TMEM183A: variants seen among roughly 807,000 people sequenced by gnomAD.
The protein encoded by TMEM183A is transmembrane protein 183A.
In TMEM183A, 21 loss-of-function variants were observed where a neutral mutation model predicts 46.7. The ratio of observed to expected loss-of-function variants is 0.45; its 90% CI spans 0.32 to 0.65. The LOEUF (loss-of-function observed/expected upper bound fraction) is 0.65. TMEM183A is among the 30% of genes least tolerant of loss of function. The pLI is 0.04. For missense variants in TMEM183A, 331 were observed against 481.9 expected (o/e 0.69, Z 2.93); for synonymous variants, 165 against 180.2 (o/e 0.92, Z 0.68).
At chr1:203,016,234 G>A (rs943595674) in intron 5 of TMEM183A, 94 bp downstream of exon 5, 4 of 1,570,646 alleles carry the variant, frequency 2.5e-6, no homozygotes, top group Non-Finnish European at 2.6e-6. Context: ...ATGGGGAGGG[G>A]TGTAGGTCCC....
chr1:203,008,084 CT>C (rs1283110694), intron 2 of TMEM183A, among the ~76,000 whole-genome samples: 1 of 152,140 alleles, frequency 6.6e-6, no homozygotes, highest in Non-Finnish European at 1.5e-5. Context: ...TGTTTGCATA[CT>C]TTTTAGTTTC....
At chr1:203,011,704 C>T (rs374236005) in intron 3 of TMEM183A, among the ~76,000 whole-genome samples, 152 of 152,190 alleles carry the variant, frequency 1.0e-3, no homozygotes, top group African/African-American at 3.3e-3. Flanking sequence ...CCACCGCACC[C>T]GGCTATCTTT....
At chr1:203,012,237 A>T (rs1017311240) in intron 3 of TMEM183A, among the ~76,000 whole-genome samples, 15 of 108,704 alleles carry the variant, frequency 1.4e-4, no homozygotes, top group African/African-American at 4.0e-4. Context: ...CCACTCCATC[A>T]CACACACACA....
chr1:203,019,732 C>G (rs974004965), intron 6 of TMEM183A, among the ~76,000 whole-genome samples: 4 of 152,062 alleles, frequency 2.6e-5, no homozygotes, highest in Non-Finnish European at 5.9e-5. Flanking sequence ...ATGAACTCTC[C>G]AGTTGCAAAG....
At chr1:203,022,255 T>C (rs1239768519) in intron 7 of TMEM183A, among the ~76,000 whole-genome samples, 10 of 152,032 alleles carry the variant, frequency 6.6e-5, no homozygotes, top group Non-Finnish European at 1.5e-4. Context: ...GTATTTTTGG[T>C]AGAAATGGGG....
chr1:203,014,709 A>G (rs1656995086), intron 3 of TMEM183A, among the ~76,000 whole-genome samples, 180 bp from the exon 4 acceptor site: 1 of 152,212 alleles, frequency 6.6e-6, no homozygotes, highest in South Asian at 2.1e-4. Context: ...TACTTGGGCA[A>G]CAGGAGGTAA....
intron 6 of TMEM183A, 70 bp downstream of exon 6, chr1:203,018,631 G>A: frequency 6.6e-7 from 1 of 1,524,832 alleles, no homozygotes; most frequent in Non-Finnish European, 9.0e-7. Context: ...ATCTTTCTTA[G>A]TCTGTTTGTG....
chr1:203,012,691 A>G (rs564793621), intron 3 of TMEM183A, among the ~76,000 whole-genome samples: 1 of 152,200 alleles, frequency 6.6e-6, no homozygotes, highest in Non-Finnish European at 1.5e-5. Flanking sequence ...AAAAGTCCTT[A>G]TGGGTCTCAG....
At position 203,022,924 on chromosome 1, in the gene TMEM183A, C is replaced by G; in HGVS notation, c.1015C>G (p.His339Asp). ...VRLVFQDSPV[H>D]GGRKLRSEQG... ...ACTGGTGTTCCAAGATTCCCCTGTC[C>G]ATGGTGGTCGGAAACTGCGCAGTGA... Residue 339 changes from histidine to aspartate, a missense_variant, in exon 8 of 8, where the codon CAT becomes GAT. His to Asp is a moderately conservative substitution (Grantham distance 81). This residue lies in a region of TMEM183A where 233 missense variants were observed against 385.8 expected (regional missense o/e 0.60). Coordinates refer to ENST00000367242, the MANE Select transcript of TMEM183A (RefSeq NM_138391.6). 1 of 1,613,206 alleles carries G rather than the reference C, an allele frequency of 6.2e-7. No individual in the cohort carries two copies. The highest frequency in any genetic ancestry group is 1.1e-5 in the South Asian group (1 of 91,012).
chr1:203,021,040 T>G (rs1258484451), intron 7 of TMEM183A, 92 bp downstream of exon 7: 6 of 1,413,496 alleles, frequency 4.2e-6, no homozygotes, highest in Non-Finnish European at 5.6e-6. Context: ...TTTTTTTTTT[T>G]TTTTTTTAAG....
chr1:203,018,589 A>G (rs769053279), intron 6 of TMEM183A, 28 bp downstream of exon 6: 3 of 1,604,146 alleles, frequency 1.9e-6, no homozygotes, highest in Non-Finnish European at 2.6e-6. Flanking sequence ...TGTTTTTCAG[A>G]TAATACCTTG....
Position 203,020,889 on chromosome 1 carries a change from C to G in TMEM183A, c.886C>G (p.Gln296Glu). Reference sequence around the variant, plus strand: ...TCCAGACCAGGACTGCTGCCTACTGCAGGTCACCACCCTCAATTTCATCTT... The same window carrying G: ...TCCAGACCAGGACTGCTGCCTACTGGAGGTCACCACCCTCAATTTCATCTT... ...TNPDQDCCLL[Q>E]VTTLNFIFIP... Residue 296 changes from glutamine (Q) to glutamate (E), a missense_variant, in exon 7 of 8, where the codon CAG becomes GAG. Around this residue, in one of 2 missense-constraint regions of TMEM183A, gnomAD observed 233 missense variants for 385.8 expected, o/e 0.60. Coordinates refer to ENST00000367242, the MANE Select transcript of TMEM183A (RefSeq NM_138391.6). The G allele has an allele frequency of 1.2e-6, 2 of 1,613,800 alleles. No homozygotes were observed. The highest frequency in any genetic ancestry group is 1.7e-6 in the Non-Finnish European group (2 of 1,179,944).
chr1:203,008,943 T>C, intron 3 of TMEM183A, 133 bp downstream of exon 3: 1 of 923,600 alleles, frequency 1.1e-6, no homozygotes, highest in Non-Finnish European at 1.5e-6. Context: ...TGGCTCTCCC[T>C]AAGAACCTTG....
At chr1:203,016,960 T>C (rs1657220971) in intron 5 of TMEM183A, among the ~76,000 whole-genome samples, 1 of 152,170 alleles carries the variant, frequency 6.6e-6, no homozygotes, top group Non-Finnish European at 1.5e-5. Flanking sequence ...TTGTAGTTTG[T>C]TTTTATGGTA....
rs1571594142 is a variant in TMEM183A at position 203,007,398 on chromosome 1, T to G, written c.-68T>G. The G allele has an allele frequency of 1.5e-6, 2 of 1,316,502 alleles. No individual in the cohort carries two copies. Among genetic ancestry groups the G allele is most frequent in the Non-Finnish European group, 9.7e-7 (1 of 1,027,034 alleles). The allele number at this position is 1,316,502 out of a possible 1,614,324, so 81.6% of individuals were successfully genotyped here. Reference sequence around the variant, plus strand: ...TCTCGCGAGAGTTAGCGGCCTCCGGTGTGGGATGGCCGCGGAGCCGGGCGG... The same window carrying G: ...TCTCGCGAGAGTTAGCGGCCTCCGGGGTGGGATGGCCGCGGAGCCGGGCGG... On this transcript the variant is annotated 5_prime_UTR_variant, in exon 1 of 8. Transcript: ENST00000367242.
At chr1:203,016,410 A>C (rs901975372) in intron 5 of TMEM183A, among the ~76,000 whole-genome samples, 4 of 152,114 alleles carry the variant, frequency 2.6e-5, no homozygotes, top group Non-Finnish European at 5.9e-5. Flanking sequence ...ACATTGGACC[A>C]CTCTAGATAT....
At chr1:203,014,378 G>A (rs1307032585) in intron 3 of TMEM183A, among the ~76,000 whole-genome samples, 1 of 152,156 alleles carries the variant, frequency 6.6e-6, no homozygotes, top group East Asian at 1.9e-4. Context: ...CAAGGCGGGT[G>A]GATCACTTGA....
At chr1:203,009,680 C>T (rs141959976) in intron 3 of TMEM183A, among the ~76,000 whole-genome samples, 13 of 152,184 alleles carry the variant, frequency 8.5e-5, no homozygotes, top group African/African-American at 3.1e-4. Context: ...ACAGGGGTCT[C>T]ACTATGTTGC....
intron 5 of TMEM183A, 139 bp downstream of exon 5, chr1:203,016,279 C>G (rs2102556225): frequency 8.1e-7 from 1 of 1,233,856 alleles, no homozygotes; most frequent in African/African-American, 1.5e-5. Flanking sequence ...CTTCAGGGCT[C>G]AGAGATTTCA....
Sources: gnomAD v4.1 joint callset for allele counts (sites outside exome capture counted in the v4.1 genomes callset) on GRCh38, gnomAD v4.1.1 for gene constraint, gnomAD v4.1.1 regional missense constraint, MANE v1.5 for transcripts, NCBI Gene and HGNC (gene_info 2026-07-23, HGNC 2026-07-21) for gene names.